Variants in PIKFYVE observed in about 807,000 individuals in gnomAD.
PIKFYVE encodes the protein 1-phosphatidylinositol 3-phosphate 5-kinase.
PIKFYVE carries 122 observed loss-of-function variants against 257.9 expected under a neutral mutation model. The observed-to-expected ratio is 0.47, with a 90% CI of 0.41 to 0.55. The LOEUF (loss-of-function observed/expected upper bound fraction) is 0.55, where lower values mean the gene tolerates loss of function less well. Ranked by LOEUF, PIKFYVE falls within the 20% of genes least tolerant of loss-of-function variation. PIKFYVE has a pLI of 0.00. For synonymous variants in PIKFYVE, 892 were observed against 868.9 expected (o/e 1.03, Z -0.47); for missense variants, 2,160 against 2,536.6 (o/e 0.85, Z 3.19).
Position 208,329,880 on chromosome 2 carries a change from C to T in PIKFYVE, c.3758C>T (p.Thr1253Ile). Residue 1253 changes from threonine (T) to isoleucine (I), a missense_variant, in exon 22 of 42, where the codon ACA becomes ATA. This residue lies in a region of PIKFYVE where 55 missense variants were observed against 103.0 expected (regional missense o/e 0.53). Transcript: ENST00000264380. ...TMEFYGKNDL[T>I]LGIFLERYCF... Reference sequence around the variant, plus strand: ...GAATTTTATGGAAAGAATGATCTTACATTAGGAATATTTTTAGAGAGATAC... The same window carrying T: ...GAATTTTATGGAAAGAATGATCTTATATTAGGAATATTTTTAGAGAGATAC... 1 of 1,610,578 alleles carries T rather than the reference C, an allele frequency of 6.2e-7. No homozygotes were observed. The highest frequency in any genetic ancestry group is 1.7e-5 in the Admixed American group (1 of 59,892).
Position 208,314,226 on chromosome 2 carries a change from A to G in PIKFYVE, c.1697-68A>G, listed in dbSNP as rs967006959. ...TTTATAAAGACAAAGGGCAATTTCT[A>G]AATATATGAGTAGATGGTATAAAAC... On this transcript the variant is annotated intron_variant, in intron 13 of 41. Coordinates refer to ENST00000264380, the MANE Select transcript of PIKFYVE (RefSeq NM_015040.4). 25 of 1,539,902 alleles carry G rather than the reference A, an allele frequency of 1.6e-5. No individual in the cohort carries two copies. The African/African-American group carries it at 1.9e-4, about 12-fold the overall frequency.
At position 208,358,508 on chromosome 2, in the gene PIKFYVE, CTT is replaced by C. The variant is rs1035720605; in HGVS notation, c.*3206_*3207del. ...GTTTTGTAAAAAATGTACATTATGTCTTTTGACATGTTGAATTTTAAACTAGG... is the reference window on the plus strand; with the variant it reads ...GTTTTGTAAAAAATGTACATTATGTCTTGACATGTTGAATTTTAAACTAGG... On this transcript the variant is annotated 3_prime_UTR_variant, in exon 42 of 42. Transcript: ENST00000264380. 6.6e-6 allele frequency: 1 copy of C among 151,594 alleles called. No individual in the cohort carries two copies. Among genetic ancestry groups the C allele is most frequent in the African/African-American group, 2.4e-5 (1 of 41,152 alleles). The allele number at this position is 151,594 out of a possible 1,614,324, so 9.4% of individuals were successfully genotyped here. A position where few individuals can be genotyped will look rare whatever the true frequency, so the allele number is the denominator to read the frequency against.
intron 17 of PIKFYVE, among the ~76,000 whole-genome samples, chr2:208,323,479 A>G (rs563174089): frequency 7.1e-4 from 108 of 152,232 alleles, no homozygotes; most frequent in African/African-American, 2.5e-3. Flanking sequence ...CATGGTGTGT[A>G]TGTGCCACAT....
intron 3 of PIKFYVE, among the ~76,000 whole-genome samples, chr2:208,275,336 A>G (rs1000100073): frequency 2.0e-5 from 3 of 152,190 alleles, no homozygotes; most frequent in Non-Finnish European, 4.4e-5. Context: ...TTTTCAGCGG[A>G]TGATGCTATT....
chr2:208,315,736 C>T (rs1695427350), intron 15 of PIKFYVE, among the ~76,000 whole-genome samples: 1 of 152,078 alleles, frequency 6.6e-6, no homozygotes, highest in South Asian at 2.1e-4. Context: ...TTAGATCAAG[C>T]TTGTCCCACT....
chr2:208,355,200 A>G lies in PIKFYVE; in HGVS notation c.6192A>G (p.Pro2064=), dbSNP rs1481446050. The G allele has an allele frequency of 2.5e-6, 4 of 1,613,630 alleles. No homozygotes were observed. The highest frequency in any genetic ancestry group is 3.4e-6 in the Non-Finnish European group (4 of 1,179,544). ...TGILGGQGKM[P]TVVSPELYRT... is the part of the protein sequence containing the mutation. ...CTTTCATAATCTCAGGTAAAATGCC[A>G]ACAGTGGTGTCTCCGGAGTTGTACA... The change falls in exon 42 of 42, where the codon CCA becomes CCG. Residue 2064 remains proline, a synonymous_variant. Coordinates refer to ENST00000264380, the MANE Select transcript of PIKFYVE (RefSeq NM_015040.4).
Position 208,325,705 on chromosome 2 carries a change from C to A in PIKFYVE, c.2894C>A (p.Ala965Glu). Residue 965 changes from alanine (A) to glutamate (E), a missense_variant, in exon 20 of 42, where the codon GCG (alanine) becomes GAG (glutamate). Transcript: ENST00000264380. ...HQEHSTTACP[A>E]GLPCAFFAPV... Reference sequence around the variant, plus strand: ...GAACATAGCACAACAGCTTGCCCGGCGGGTCTCCCTTGTGCTTTCTTTGCA... The same window carrying A: ...GAACATAGCACAACAGCTTGCCCGGAGGGTCTCCCTTGTGCTTTCTTTGCA... 6.2e-7 allele frequency: 1 copy of A among 1,613,490 alleles called. No homozygotes were observed. The highest frequency in any genetic ancestry group is 1.7e-5 in the Admixed American group (1 of 59,976).
intron 21 of PIKFYVE, 89 bp from the exon 22 acceptor site, chr2:208,329,753 A>G: frequency 1.9e-6 from 3 of 1,558,996 alleles, no homozygotes; most frequent in African/African-American, 1.4e-5. Flanking sequence ...AGTACCATAC[A>G]TTTAATAGGT....
chr2:208,339,467 T>C lies in PIKFYVE; in HGVS notation c.4722T>C (p.Thr1574=), dbSNP rs1239871492. 12 of 1,614,024 alleles carry C rather than the reference T, an allele frequency of 7.4e-6. No individual in the cohort carries two copies. Among genetic ancestry groups the C allele is most frequent in the Non-Finnish European group, 1.0e-5 (12 of 1,180,018 alleles). Residue 1574 remains threonine, a synonymous_variant, in exon 30 of 42, where the codon ACT becomes ACC. Transcript: ENST00000264380. The part of the protein sequence containing the change: ...TLSSQSSTSS[T]HLQLPTPPEV... ...CCAGCCAGAGCTCCACCAGTTCTACTCATCTCCAATTGCCTACGCCACCTG... is the reference window on the plus strand; with the variant it reads ...CCAGCCAGAGCTCCACCAGTTCTACCCATCTCCAATTGCCTACGCCACCTG...
intron 32 of PIKFYVE, 137 bp from the exon 33 acceptor site, chr2:208,344,974 C>A: frequency 1.5e-6 from 1 of 659,700 alleles, no homozygotes. Context: ...TTGCTTTTGT[C>A]AGTTAACCAA....
At chr2:208,266,609 C>G (rs113127381) in intron 1 of PIKFYVE, among the ~76,000 whole-genome samples, 194 bp downstream of exon 1, 1 of 152,226 alleles carries the variant, frequency 6.6e-6, no homozygotes, top group Non-Finnish European at 1.5e-5. Context: ...TCCCTATTCC[C>G]CGGCTGCCTT....
chr2:208,268,423 CTTTTTTTTT>C (rs35632672), intron 1 of PIKFYVE, among the ~76,000 whole-genome samples: 1 of 78,696 alleles, frequency 1.3e-5, no homozygotes, highest in Admixed American at 1.5e-4. Flanking sequence ...CTCCAGAGCT[CTTTTTTTTT>C]TTTTTTTTTT....
At chr2:208,343,901 G>A (rs993332661) in intron 32 of PIKFYVE, among the ~76,000 whole-genome samples, 8 of 149,368 alleles carry the variant, frequency 5.4e-5, no homozygotes, top group East Asian at 2.0e-4. Flanking sequence ...GTGTGATCTC[G>A]GCTCACTGCA....
At position 208,324,893 on chromosome 2, in the gene PIKFYVE, T is replaced by C. The variant is rs1241876961; in HGVS notation, c.2332-18T>C. Reference sequence around the variant, plus strand: ...ATTCTTCTCTAGTTTTGTAATACAATGTTTTTCTGTTTTGTAGCAAGTTTT... The same window carrying C: ...ATTCTTCTCTAGTTTTGTAATACAACGTTTTTCTGTTTTGTAGCAAGTTTT... On this transcript the variant is annotated intron_variant, in intron 18 of 41. Coordinates refer to ENST00000264380, the MANE Select transcript of PIKFYVE (RefSeq NM_015040.4). 1.2e-6 allele frequency: 2 copies of C among 1,612,444 alleles called. No homozygotes were observed. Among genetic ancestry groups the C allele is most frequent in the South Asian group, 1.1e-5 (1 of 91,058 alleles).
chr2:208,354,521 A>T (rs369319106), intron 40 of PIKFYVE, 50 bp from the exon 41 acceptor site: 1 of 1,445,908 alleles, frequency 6.9e-7, no homozygotes, highest in East Asian at 2.3e-5. Flanking sequence ...TCATTTGATT[A>T]TATTTATTAA....
intron 38 of PIKFYVE, 107 bp from the exon 39 acceptor site, chr2:208,352,547 A>G (rs1699870288): frequency 1.5e-6 from 2 of 1,337,236 alleles, no homozygotes; most frequent in Non-Finnish European, 2.1e-6. Context: ...CTTTGGTCAT[A>G]TTAATAGAAA....
At chr2:208,310,621 A>G (rs1427732375) in intron 12 of PIKFYVE, among the ~76,000 whole-genome samples, 1 of 152,204 alleles carries the variant, frequency 6.6e-6, no homozygotes, top group Non-Finnish European at 1.5e-5. Context: ...ATAGGAAAAC[A>G]TGGGATAGAG....
rs987314772 is a variant in PIKFYVE, at chr2:208,267,805, G to T, written c.-10+1390G>T. ...TACAGGCGTGAGCCACCGGGCGGGGGTCTCCCTCCCTCGCCCAGGCTGGAG... is the reference window on the plus strand; with the variant it reads ...TACAGGCGTGAGCCACCGGGCGGGGTTCTCCCTCCCTCGCCCAGGCTGGAG... On this transcript the variant is annotated intron_variant, in intron 1 of 41. Transcript: ENST00000264380. Among the ~76,000 whole-genome samples, 3 of 151,792 alleles carry T rather than the reference G, an allele frequency of 2.0e-5. No homozygotes were observed. The South Asian group carries it at 6.2e-4, about 32-fold the overall frequency.
intron 17 of PIKFYVE, among the ~76,000 whole-genome samples, chr2:208,321,087 C>T (rs1424390666): frequency 2.0e-5 from 3 of 152,180 alleles, no homozygotes; most frequent in African/African-American, 2.4e-5. Context: ...CATGATTCCT[C>T]TTAAGGTACC....
Sources: gnomAD v4.1 joint callset for allele counts (sites outside exome capture counted in the v4.1 genomes callset) on GRCh38, gnomAD v4.1.1 for gene constraint, gnomAD v4.1.1 regional missense constraint, MANE v1.5 for transcripts, NCBI Gene and HGNC (gene_info 2026-07-23, HGNC 2026-07-21) for gene names.